The following KRABD4 variants were observed in gnomAD, a reference collection of about 807,000 sequenced individuals.
KRABD4 encodes KRAB domain-containing protein 4.
chrX:46,457,776 G>A, the KRABD4 span, among the ~76,000 whole-genome samples: 1 of 108,939 alleles, frequency 9.2e-6, no homozygotes, highest in Non-Finnish European at 1.9e-5. Flanking sequence ...ATGGAGTTTC[G>A]CTGTGTCACC....
At chrX:46,470,768 T>A in the KRABD4 span, among the ~76,000 whole-genome samples, 3 of 111,198 alleles carry the variant, frequency 2.7e-5, no homozygotes, top group African/African-American at 6.5e-5. Context: ...CAAATTCCCC[T>A]TAAGACTTAT....
At chrX:46,460,587 A>G in the KRABD4 span, among the ~76,000 whole-genome samples, 13 of 102,583 alleles carry the variant, frequency 1.3e-4, no homozygotes, top group African/African-American at 4.2e-4. Context: ...GCTGTGTGGA[A>G]GCTGTCTGAA....
the KRABD4 span, chrX:46,473,656 T>A: frequency 2.4e-4 from 1 of 4,223 alleles, no homozygotes; most frequent in Non-Finnish European, 3.5e-4. Context: ...TCAGTGAATC[T>A]TTTTTTTTTT....
At chrX:46,472,827 G>A in the KRABD4 span, 9 of 1,210,032 alleles carry the variant, frequency 7.4e-6, no homozygotes, top group African/African-American at 1.6e-4. Flanking sequence ...TGCATTCATA[G>A]GCAAGGAAAC....
At chrX:46,458,632 T>G in the KRABD4 span, among the ~76,000 whole-genome samples, 2 of 112,372 alleles carry the variant, frequency 1.8e-5, no homozygotes, top group South Asian at 7.4e-4. Flanking sequence ...AGAGGTAATT[T>G]GGCTGTACTT....
the KRABD4 span, among the ~76,000 whole-genome samples, chrX:46,460,231 C>G: frequency 9.0e-6 from 1 of 111,299 alleles, no homozygotes; most frequent in African/African-American, 3.3e-5. Context: ...ACCAGCCTGA[C>G]CAACATGGAG....
the KRABD4 span, among the ~76,000 whole-genome samples, chrX:46,450,976 A>G: frequency 5.4e-5 from 6 of 111,334 alleles, no homozygotes; most frequent in East Asian, 1.4e-3. Context: ...TGCTGGGATT[A>G]CAGGCGCGAG....
At chrX:46,462,233 C>T in the KRABD4 span, among the ~76,000 whole-genome samples, 1 of 112,041 alleles carries the variant, frequency 8.9e-6, no homozygotes, top group Non-Finnish European at 1.9e-5. Context: ...AAGGCCAGGC[C>T]GGGCGCGATG....
the KRABD4 span, chrX:46,455,420 A>G: frequency 2.2e-6 from 1 of 451,749 alleles, no homozygotes; most frequent in Non-Finnish European, 4.1e-6. Flanking sequence ...GGCTGCATCA[A>G]AGTTACCACT....
At chrX:46,462,051 C>T in the KRABD4 span, among the ~76,000 whole-genome samples, 4 of 111,918 alleles carry the variant, frequency 3.6e-5, no homozygotes, top group Non-Finnish European at 7.5e-5. Context: ...CTTACCAGCC[C>T]GGCCTCTGTT....
the KRABD4 span, chrX:46,450,315 C>T: frequency 2.4e-6 from 1 of 408,559 alleles, no homozygotes; most frequent in Non-Finnish European, 4.2e-6. Flanking sequence ...CTGGAGCTAC[C>T]AGGTCATGTT....
the KRABD4 span, among the ~76,000 whole-genome samples, chrX:46,460,557 C>A: frequency 1.9e-5 from 2 of 106,646 alleles, no homozygotes; most frequent in African/African-American, 7.0e-5. Context: ...CACTACCATC[C>A]GGGAACCACC....
the KRABD4 span, chrX:46,472,668 G>C: frequency 5.5e-6 from 6 of 1,081,857 alleles, no homozygotes; most frequent in Admixed American, 2.5e-5. Context: ...TTCACTGCTT[G>C]GGCATTTAGG....
the KRABD4 span, chrX:46,472,503 TAATA>T: frequency 8.8e-6 from 3 of 341,788 alleles, no homozygotes; most frequent in East Asian, 1.5e-4. Context: ...TTTTGTCACA[TAATA>T]AATTTATTTT....
the KRABD4 span, chrX:46,456,957 C>T: frequency 8.8e-5 from 23 of 261,291 alleles, no homozygotes; most frequent in East Asian, 6.4e-4. Context: ...TAACAGAATG[C>T]GTTGCTTAAT....
At chrX:46,453,192 G>C in the KRABD4 span, among the ~76,000 whole-genome samples, 1 of 111,593 alleles carries the variant, frequency 9.0e-6, no homozygotes, top group Admixed American at 9.6e-5. Flanking sequence ...ACAATATTTT[G>C]TGGCTTCTAG....
the KRABD4 span, among the ~76,000 whole-genome samples, chrX:46,447,826 C>T: frequency 9.0e-6 from 1 of 111,317 alleles, no homozygotes. Flanking sequence ...TCCTGTGCTT[C>T]GTTTATCATG....
chrX:46,463,397 C>A, the KRABD4 span: 5 of 804,247 alleles, frequency 6.2e-6, no homozygotes, highest in Non-Finnish European at 9.4e-6. Flanking sequence ...GAGCCTCGGA[C>A]TTGTGGACAT....
At chrX:46,447,967 G>A in the KRABD4 span, among the ~76,000 whole-genome samples, 1 of 111,580 alleles carries the variant, frequency 9.0e-6, no homozygotes, top group Non-Finnish European at 1.9e-5. Context: ...CATTTCTTCA[G>A]TGAATAAAAG....
Sources: gnomAD v4.1 joint callset for allele counts (sites outside exome capture counted in the v4.1 genomes callset) on GRCh38, gnomAD v4.1.1 for gene constraint, MANE v1.5 for transcripts, NCBI Gene and HGNC (gene_info 2026-07-23, HGNC 2026-07-21) for gene names.